Variants in LRRC37A3 observed in about 807,000 individuals in gnomAD.
The protein encoded by LRRC37A3 is leucine rich repeat containing 37 member A3.
LRRC37A3 carries 25 observed loss-of-function variants against 106.2 expected under a neutral mutation model. The observed-to-expected ratio is 0.24, with a 90% CI of 0.17 to 0.33. LRRC37A3 has a LOEUF of 0.33. LRRC37A3 is among the 10% of genes least tolerant of loss of function. LRRC37A3 has a pLI of 1.00. For synonymous variants in LRRC37A3, 305 were observed against 635.8 expected, an observed-to-expected ratio of 0.48 and a Z score of 7.83; for missense variants, 712 against 1,644.9, an observed-to-expected ratio of 0.43 and a Z score of 9.81.
chr17:64,854,796 T>C, intron 14 of LRRC37A3, 152 bp from the exon 15 acceptor site: 1 of 1,611,726 alleles, frequency 6.2e-7, no homozygotes, highest in Non-Finnish European at 8.5e-7. Context: ...TGACTTCTTG[T>C]GCAGCTTCCA....
At chr17:64,918,908 G>C in intron 1 of LRRC37A3, 38 bp from the exon 2 acceptor site, 1 of 641,202 alleles carries the variant, frequency 1.6e-6, no homozygotes, top group East Asian at 4.0e-5. Flanking sequence ...GTGGCAGCGA[G>C]CACCTGTAGT....
intron 8 of LRRC37A3, among the ~76,000 whole-genome samples, chr17:64,880,197 GGAGA>G (rs937822600): frequency 1.3e-5 from 2 of 151,964 alleles, no homozygotes; most frequent in Admixed American, 1.3e-4. Context: ...CCTGGGCCGT[GGAGA>G]GACTGAGTGG....
chr17:64,861,886 T>G (rs1043156928), intron 11 of LRRC37A3, among the ~76,000 whole-genome samples: 2 of 152,110 alleles, frequency 1.3e-5, no homozygotes, highest in African/African-American at 2.4e-5. Context: ...TTTCCAGAAT[T>G]AAAAGTACTT....
chr17:64,861,663 G>A (rs951058063), intron 11 of LRRC37A3, among the ~76,000 whole-genome samples: 17 of 152,230 alleles, frequency 1.1e-4, no homozygotes, highest in African/African-American at 4.1e-4. Flanking sequence ...TTGCCAGATT[G>A]TATGCCTATG....
At chr17:64,859,300 G>C in intron 12 of LRRC37A3, 142 bp downstream of exon 12, 1 of 939,996 alleles carries the variant, frequency 1.1e-6, no homozygotes, top group Admixed American at 2.2e-5. Flanking sequence ...CATGAGCAAA[G>C]TGGGAGATCA....
At chr17:64,874,526 G>A (rs1047306299) in intron 8 of LRRC37A3, among the ~76,000 whole-genome samples, 3 of 150,576 alleles carry the variant, frequency 2.0e-5, no homozygotes, top group Admixed American at 1.3e-4. Flanking sequence ...GGTGGGGGGT[G>A]CCTCTGCCCG....
intron 13 of LRRC37A3, among the ~76,000 whole-genome samples, chr17:64,856,828 C>G (rs1170187460): frequency 4.6e-5 from 7 of 151,400 alleles, no homozygotes; most frequent in African/African-American, 1.7e-4. Context: ...GACCTTGTCT[C>G]TACAAACACA....
At chr17:64,883,114 CCATT>C (rs1248587193) in intron 8 of LRRC37A3, among the ~76,000 whole-genome samples, 3 of 152,148 alleles carry the variant, frequency 2.0e-5, no homozygotes, top group Non-Finnish European at 4.4e-5. Context: ...ATTATTGCCC[CCATT>C]CAGTGAGGGG....
Position 64,860,576 on chromosome 17 carries a change from T to C in LRRC37A3, c.3570A>G (p.Glu1190=), listed in dbSNP as rs1458238480. Residue 1190 remains glutamate, a synonymous_variant, in exon 12 of 15, where the codon GAA becomes GAG. Coordinates refer to ENST00000584306, the MANE Select transcript of LRRC37A3 (RefSeq NM_199340.5). ...KEVGRQSIRR[E]QGAQASVENT... The stretch of plus-strand genomic sequence containing the variant: ...TCTCCACAGATGCCTGGGCACCCTG[T>C]TCCCTCCTGATGCTCTGCCTTCCTA... 3 of 1,613,548 alleles carry C rather than the reference T, an allele frequency of 1.9e-6. No individual in the cohort carries two copies. Among genetic ancestry groups the C allele is most frequent in the Admixed American group, 1.7e-5 (1 of 60,020 alleles).
intron 2 of LRRC37A3, among the ~76,000 whole-genome samples, chr17:64,910,585 A>G (rs1014733892): frequency 6.7e-6 from 1 of 150,280 alleles, no homozygotes; most frequent in Non-Finnish European, 1.5e-5. Context: ...TCAAAAAACA[A>G]CTCTCTATAA....
At chr17:64,866,520 A>G (rs1181360523) in intron 10 of LRRC37A3, among the ~76,000 whole-genome samples, 1 of 142,082 alleles carries the variant, frequency 7.0e-6, no homozygotes, top group Admixed American at 7.2e-5. Context: ...CAAACTCACA[A>G]TAGGGCCCTG....
Position 64,860,305 on chromosome 17 carries a change from T to G in LRRC37A3, c.3841A>C (p.Ile1281Leu). 1.2e-6 allele frequency: 2 copies of G among 1,614,012 alleles called. No individual in the cohort carries two copies. Among genetic ancestry groups the G allele is most frequent in the Non-Finnish European group, 1.7e-6 (2 of 1,179,878 alleles). Residue 1281 changes from isoleucine to leucine, a missense_variant, in exon 12 of 15, where the codon ATT becomes CTT. Transcript: ENST00000584306. ...ACTCTAGCCTTTGCACTTTCTAAAA[T>G]GGAAATAGCGTGGGTTAAGTCTTTC... ...RWKDLTHAISILESAKARVTN... is the reference protein window; with the variant it reads ...RWKDLTHAISLLESAKARVTN...
Position 64,862,904 on chromosome 17 carries a change from A to T in LRRC37A3, c.3168T>A (p.His1056Gln). The T allele has an allele frequency of 6.3e-7, 1 of 1,599,238 alleles. No individual in the cohort carries two copies. Among genetic ancestry groups the T allele is most frequent in the East Asian group, 2.2e-5 (1 of 44,882 alleles). ...CNSACLTNTT[H>Q]CPEEASVGNP... ...CACCATGCAATTTGGACTCACGACA[A>T]TGTGTGGTGTTTGTCAGACATGCAC... Residue 1056 changes from histidine (H) to glutamine (Q), a missense_variant, in exon 11 of 15, where the codon CAT becomes CAA. Physicochemically the swap from His to Gln is conservative, Grantham distance 24. Coordinates refer to ENST00000584306, the MANE Select transcript of LRRC37A3 (RefSeq NM_199340.5).
At position 64,860,381 on chromosome 17, in the gene LRRC37A3, C is replaced by T. The variant is rs781706344; in HGVS notation, c.3765G>A (p.Ala1255=). The change falls in exon 12 of 15, where the codon GCG becomes GCA. Residue 1255 remains alanine, a synonymous_variant. Coordinates refer to ENST00000584306, the MANE Select transcript of LRRC37A3 (RefSeq NM_199340.5). ...VSVLKPFSKG[A]PSTSSPAKAL... ...CTTTTGCAGGGCTGGAGGTAGAAGG[C>T]GCGCCCTTGGAGAAGGGTTTCAGCA... 5.3e-5 allele frequency: 85 copies of T among 1,613,816 alleles called. No individual in the cohort carries two copies. In the South Asian group the frequency reaches 6.3e-4, roughly 12 times the overall value.
At position 64,859,462 on chromosome 17, in the gene LRRC37A3, G is replaced by C. The variant is rs1434901007; in HGVS notation, c.4684C>G (p.Gln1562Glu). The C allele has an allele frequency of 6.2e-7, 1 of 1,608,636 alleles. No individual in the cohort carries two copies. The highest frequency in any genetic ancestry group is 1.4e-5 in the African/African-American group (1 of 73,998). Residue 1562 changes from glutamine to glutamate, a missense_variant, in exon 12 of 15, where the codon CAG becomes GAG. Transcript: ENST00000584306. ...INESTEAQSEQKEKSLEFTKE... is the reference protein window; with the variant it reads ...INESTEAQSEEKEKSLEFTKE... ...CTCACCTCAAGCGACTTCTCTTTCT[G>C]TTCACTCTGGGCTTCTGTGCTCTCA...
chr17:64,916,749 G>A (rs930545986), intron 2 of LRRC37A3, among the ~76,000 whole-genome samples: 1 of 150,040 alleles, frequency 6.7e-6, no homozygotes, highest in African/African-American at 2.5e-5. Flanking sequence ...CTGTGCCACT[G>A]CTCTCCAGCC....
chr17:64,866,573 TAC>T lies in LRRC37A3; in HGVS notation c.3053+1887_3053+1888del, dbSNP rs1352253186. 1.9e-3 allele frequency among the ~76,000 whole-genome samples: 198 copies of T among 102,222 alleles called. 8 individuals are homozygous for T. The highest frequency in any genetic ancestry group is 0.012 in the African/African-American group (189 of 16,400). 67.1% of individuals were successfully genotyped at this position (102,222 alleles called of 152,430 possible). A position where few individuals can be genotyped will look rare whatever the true frequency, so the allele number is the denominator to read the frequency against. On this transcript the variant is annotated intron_variant, in intron 10 of 14. Coordinates refer to ENST00000584306, the MANE Select transcript of LRRC37A3 (RefSeq NM_199340.5). ...ATATACACGTACATATATATATATA[TAC>T]ATATATACACGTACATATATATATA... is the stretch of plus-strand genomic sequence containing the variant.
chr17:64,883,539 G>A (rs1598417088), intron 8 of LRRC37A3, among the ~76,000 whole-genome samples: 1 of 151,962 alleles, frequency 6.6e-6, no homozygotes, highest in East Asian at 1.9e-4. Flanking sequence ...AGCCTGGAAG[G>A]TTAGGCTCTA....
chr17:64,859,584 G>A lies in LRRC37A3; in HGVS notation c.4562C>T (p.Thr1521Ile), dbSNP rs1173685736. 6.2e-7 allele frequency: 1 copy of A among 1,612,772 alleles called. No homozygotes were observed. Among genetic ancestry groups the A allele is most frequent in the Non-Finnish European group, 8.5e-7 (1 of 1,179,872 alleles). ...ACTGAGAAGCTTCATCAGGTGGCCTGTCCTGGAGACGAGCTTGGCACAGGT... is the reference window on the plus strand; with the variant it reads ...ACTGAGAAGCTTCATCAGGTGGCCTATCCTGGAGACGAGCTTGGCACAGGT... ...QVTCAKLVSR[T>I]GHLMKLLSGQ... Residue 1521 changes from threonine (T) to isoleucine (I), a missense_variant, in exon 12 of 15, where the codon ACA becomes ATA. Thr to Ile is a moderately conservative substitution (Grantham distance 89). Coordinates refer to ENST00000584306, the MANE Select transcript of LRRC37A3 (RefSeq NM_199340.5).
Sources: allele counts gnomAD v4.1 joint callset (sites outside exome capture counted in the v4.1 genomes callset), GRCh38; gene constraint gnomAD v4.1.1; transcripts MANE v1.5; gene names NCBI Gene and HGNC (gene_info 2026-07-23, HGNC 2026-07-21).